PCSK6: variants seen among roughly 807,000 people sequenced by gnomAD.
PCSK6 encodes proprotein convertase subtilisin/kexin type 6, also known as paired basic amino acid cleaving enzyme 4.
A neutral mutation model predicts 123.3 loss-of-function variants in PCSK6; 85 were observed. The ratio of observed to expected loss-of-function variants is 0.69; its 90% CI spans 0.58 to 0.83. The LOEUF (loss-of-function observed/expected upper bound fraction) is 0.83. Among genes scored for constraint, PCSK6 ranks in the 40% least tolerant of loss-of-function variants. The pLI is 0.00. For missense variants in PCSK6, 1,191 were observed against 1,282.3 expected, an observed-to-expected ratio of 0.93 and a Z score of 1.09; for synonymous variants, 508 against 516.0, an observed-to-expected ratio of 0.98 and a Z score of 0.21.
chr15:101,393,923 A>T (rs10400863), intron 7 of PCSK6, among the ~76,000 whole-genome samples: 32 of 152,182 alleles, frequency 2.1e-4, no homozygotes, highest in Non-Finnish European at 3.2e-4. Flanking sequence ...TCTTGCAGAG[A>T]GAGCTAAATT....
Position 101,325,029 on chromosome 15 carries a change from C to T in PCSK6, c.2198G>A (p.Cys733Tyr). Residue 733 changes from cysteine to tyrosine, a missense_variant, in exon 17 of 22, where the codon TGC becomes TAC. Coordinates refer to ENST00000611716, the MANE Select transcript of PCSK6 (RefSeq NM_002570.5). ...VKTSRKCVSVCPLGYFGDTAA... is the reference protein window; with the variant it reads ...VKTSRKCVSVYPLGYFGDTAA... ...TGTGTCCCCAAAGTAGCCCAAGGGG[C>T]ACACACTCACGCACTTCCTGTAGGA... is the stretch of plus-strand genomic sequence containing the variant. 6.2e-7 allele frequency: 1 copy of T among 1,609,840 alleles called. No homozygotes were observed. Among genetic ancestry groups the T allele is most frequent in the Non-Finnish European group, 8.5e-7 (1 of 1,179,412 alleles).
At chr15:101,434,426 C>G (rs1232779497) in intron 2 of PCSK6, among the ~76,000 whole-genome samples, 1 of 152,226 alleles carries the variant, frequency 6.6e-6, no homozygotes, top group East Asian at 1.9e-4. Flanking sequence ...CCCCACTAAT[C>G]AGCTGGGAGA....
At chr15:101,395,726 C>A (rs755103299) in intron 7 of PCSK6, among the ~76,000 whole-genome samples, 1 of 152,176 alleles carries the variant, frequency 6.6e-6, no homozygotes, top group Non-Finnish European at 1.5e-5. Flanking sequence ...CCAATCAAAT[C>A]GTATTTCGAT....
chr15:101,389,414 C>T (rs768386700), intron 9 of PCSK6, 50 bp downstream of exon 9: 2 of 1,437,124 alleles, frequency 1.4e-6, no homozygotes, highest in East Asian at 2.3e-5. Context: ...GTGTATTTTA[C>T]CACAATCTAA....
intron 6 of PCSK6, among the ~76,000 whole-genome samples, chr15:101,414,869 C>T (rs1413581903): frequency 1.3e-5 from 2 of 152,170 alleles, no homozygotes; most frequent in African/African-American, 4.8e-5. Flanking sequence ...TTTAAAGAGA[C>T]TCTTCAATTG....
chr15:101,412,293 T>C (rs1000828246), intron 6 of PCSK6, among the ~76,000 whole-genome samples: 5 of 152,152 alleles, frequency 3.3e-5, no homozygotes, highest in African/African-American at 9.7e-5. Context: ...CAAGAACGAA[T>C]AGGAAGATCT....
chr15:101,385,177 C>T (rs976218696), intron 9 of PCSK6, among the ~76,000 whole-genome samples: 11 of 50,474 alleles, frequency 2.2e-4, no homozygotes, highest in African/African-American at 7.6e-4. Context: ...CCACCACACC[C>T]GGCTAATTTT....
intron 19 of PCSK6, among the ~76,000 whole-genome samples, chr15:101,316,913 T>TTTTTTTTTG (rs2040003752): frequency 1.0e-5 from 1 of 99,958 alleles, no homozygotes; most frequent in Non-Finnish European, 2.1e-5. Context: ...TAATTCTGTT[T>TTTTTTTTTG]TTTTTTTTTT....
chr15:101,385,411 G>A (rs79549540), intron 9 of PCSK6, among the ~76,000 whole-genome samples: 2,050 of 152,136 alleles, frequency 0.013, 39 homozygotes, highest in African/African-American at 0.047. Flanking sequence ...AACCAGGAAC[G>A]GGTTACATTG....
intron 11 of PCSK6, among the ~76,000 whole-genome samples, chr15:101,376,691 G>T (rs1433726703): frequency 6.6e-6 from 1 of 152,214 alleles, no homozygotes; most frequent in African/African-American, 2.4e-5. Flanking sequence ...AAAGAAGTTT[G>T]CTTCAAAACT....
At chr15:101,341,248 GTTT>G (rs149761692) in intron 13 of PCSK6, among the ~76,000 whole-genome samples, 1 of 129,638 alleles carries the variant, frequency 7.7e-6, no homozygotes. Flanking sequence ...AAAGTGTGGG[GTTT>G]TTTTTTTTTT....
intron 8 of PCSK6, among the ~76,000 whole-genome samples, chr15:101,391,859 T>G (rs2042243374): frequency 6.6e-6 from 1 of 152,210 alleles, no homozygotes; most frequent in Admixed American, 6.5e-5. Flanking sequence ...ATATTTTCTC[T>G]TTTACCGTTC....
At chr15:101,386,118 A>G (rs1005518363) in intron 9 of PCSK6, among the ~76,000 whole-genome samples, 11 of 151,404 alleles carry the variant, frequency 7.3e-5, no homozygotes, top group African/African-American at 2.7e-4. Flanking sequence ...CTAGGAACGC[A>G]CACCGTGCTC....
intron 1 of PCSK6, among the ~76,000 whole-genome samples, chr15:101,488,387 A>C (rs2141286585): frequency 6.6e-6 from 1 of 152,268 alleles, no homozygotes; most frequent in African/African-American, 2.4e-5. Flanking sequence ...TAGCTGGTTG[A>C]GAGAGGAAAA....
intron 1 of PCSK6, among the ~76,000 whole-genome samples, chr15:101,473,797 C>T (rs561217665): frequency 1.3e-5 from 2 of 152,310 alleles, no homozygotes; most frequent in South Asian, 4.1e-4. Flanking sequence ...ATTCCTTGAA[C>T]CTGGGAGGCA....
chr15:101,424,430 T>G (rs770958203), intron 6 of PCSK6, among the ~76,000 whole-genome samples: 1 of 151,494 alleles, frequency 6.6e-6, no homozygotes, highest in African/African-American at 2.4e-5. Flanking sequence ...TTAAGAAAAA[T>G]GAAGAGAAGC....
At chr15:101,338,707 T>C (rs572558124) in intron 13 of PCSK6, among the ~76,000 whole-genome samples, 2 of 152,338 alleles carry the variant, frequency 1.3e-5, no homozygotes, top group African/African-American at 4.8e-5. Context: ...CCTTAGTTTC[T>C]AAAAGGAGGG....
chr15:101,438,395 T>G (rs1420917628), intron 2 of PCSK6, among the ~76,000 whole-genome samples: 1 of 152,254 alleles, frequency 6.6e-6, no homozygotes, highest in Non-Finnish European at 1.5e-5. Context: ...ACACACAACT[T>G]GCTTATAGGA....
At chr15:101,356,496 C>T (rs1270703071) in intron 13 of PCSK6, among the ~76,000 whole-genome samples, 8 of 104,344 alleles carry the variant, frequency 7.7e-5, no homozygotes, top group Non-Finnish European at 1.3e-4. Flanking sequence ...CCTGTCTCTA[C>T]TAAAACTACA....
Sources: gnomAD v4.1 joint callset for allele counts (sites outside exome capture counted in the v4.1 genomes callset) on GRCh38, gnomAD v4.1.1 for gene constraint, MANE v1.5 for transcripts, NCBI Gene and HGNC (gene_info 2026-07-23, HGNC 2026-07-21) for gene names.